Variants in GUCY1A2 observed in about 807,000 individuals in gnomAD.
The protein encoded by GUCY1A2 is guanylate cyclase 1 soluble subunit alpha 2.
Under a neutral mutation model 63.5 loss-of-function variants are expected in GUCY1A2, and 27 were observed. The observed-to-expected ratio is 0.43, with a 90% CI of 0.31 to 0.59. The LOEUF is 0.59. Among genes scored for constraint, GUCY1A2 ranks in the 20% least tolerant of loss-of-function variants. The pLI is 0.11. For synonymous variants in GUCY1A2, 364 were observed against 343.5 expected (o/e 1.06, Z -0.66); for missense variants, 768 against 913.3 (o/e 0.84, Z 2.05).
intron 6 of GUCY1A2, among the ~76,000 whole-genome samples, chr11:106,746,319 G>A (rs1255540667): frequency 6.6e-6 from 1 of 152,152 alleles, no homozygotes; most frequent in African/African-American, 2.4e-5. Context: ...AAGAATGTGA[G>A]ACATACTTTA....
chr11:107,007,061 A>G (rs1240452676), intron 1 of GUCY1A2, among the ~76,000 whole-genome samples: 1 of 152,196 alleles, frequency 6.6e-6, no homozygotes, highest in Non-Finnish European at 1.5e-5. Context: ...ATATTCAAGG[A>G]GTGATGTATC....
chr11:106,749,941 C>G (rs1470261008), intron 6 of GUCY1A2, among the ~76,000 whole-genome samples: 1 of 152,084 alleles, frequency 6.6e-6, no homozygotes, highest in African/African-American at 2.4e-5. Flanking sequence ...ACAATTGGAT[C>G]TATGTATACA....
intron 3 of GUCY1A2, among the ~76,000 whole-genome samples, chr11:106,960,094 T>G (rs1861040141): frequency 6.6e-6 from 1 of 152,252 alleles, no homozygotes; most frequent in Non-Finnish European, 1.5e-5. Flanking sequence ...CTTAAAATTC[T>G]TCTAAGCAGA....
intron 6 of GUCY1A2, among the ~76,000 whole-genome samples, chr11:106,740,219 C>G (rs1863668886): frequency 6.6e-6 from 1 of 151,952 alleles, no homozygotes; most frequent in African/African-American, 2.4e-5. Flanking sequence ...TGGCTGGTCT[C>G]AAACTCCTCA....
intron 1 of GUCY1A2, among the ~76,000 whole-genome samples, chr11:106,987,968 G>A (rs1861423454): frequency 6.6e-6 from 1 of 152,180 alleles, no homozygotes; most frequent in African/African-American, 2.4e-5. Context: ...GGAGGAATCA[G>A]CTTCCAAGTG....
At chr11:106,823,917 G>T in intron 4 of GUCY1A2, 1 of 370,308 alleles carries the variant, frequency 2.7e-6, no homozygotes, top group Admixed American at 4.8e-5. Flanking sequence ...TTTCTTTAAA[G>T]GCTTTATTTG....
intron 4 of GUCY1A2, among the ~76,000 whole-genome samples, chr11:106,903,385 T>A (rs764917917): frequency 6.6e-6 from 1 of 152,150 alleles, no homozygotes; most frequent in Non-Finnish European, 1.5e-5. Context: ...AACAATGATA[T>A]GGAATTTCTT....
chr11:106,709,385 T>C (rs1218119334), intron 6 of GUCY1A2, among the ~76,000 whole-genome samples: 1 of 99,612 alleles, frequency 1.0e-5, no homozygotes, highest in African/African-American at 4.2e-5. Context: ...ATATATATTA[T>C]ATATTATATA....
At chr11:106,762,156 GAGAA>G (rs1478240978) in intron 6 of GUCY1A2, among the ~76,000 whole-genome samples, 1 of 152,050 alleles carries the variant, frequency 6.6e-6, no homozygotes, top group Non-Finnish European at 1.5e-5. Context: ...TTTAGAGTAA[GAGAA>G]AGATGAGAAA....
intron 4 of GUCY1A2, among the ~76,000 whole-genome samples, chr11:106,840,832 TAGA>T (rs1187590588): frequency 1.3e-5 from 2 of 151,980 alleles, no homozygotes; most frequent in African/African-American, 4.8e-5. Flanking sequence ...TTTCTTAAAT[TAGA>T]AGTAAAAAAT....
intron 1 of GUCY1A2, among the ~76,000 whole-genome samples, chr11:106,992,387 T>C (rs1055132361): frequency 1.4e-5 from 2 of 147,836 alleles, no homozygotes; most frequent in Non-Finnish European, 3.0e-5. Context: ...TGGAGTGCAG[T>C]GGTGAGATCT....
intron 4 of GUCY1A2, among the ~76,000 whole-genome samples, chr11:106,881,464 T>C (rs1859822405): frequency 6.6e-6 from 1 of 152,058 alleles, no homozygotes; most frequent in Non-Finnish European, 1.5e-5. Flanking sequence ...TTCACAAAAC[T>C]AGTCACTATT....
chr11:106,933,853 C>T (rs571156347), intron 4 of GUCY1A2, among the ~76,000 whole-genome samples: 31 of 152,198 alleles, frequency 2.0e-4, no homozygotes, highest in African/African-American at 6.3e-4. Flanking sequence ...AACACAGGAA[C>T]GGAAAACCAA....
chr11:106,881,538 G>A (rs1859823690), intron 4 of GUCY1A2, among the ~76,000 whole-genome samples: 1 of 151,856 alleles, frequency 6.6e-6, no homozygotes, highest in African/African-American at 2.4e-5. Context: ...CTGCCTTATG[G>A]TGTATTCTTA....
chr11:106,690,900 C>G (rs1862611772), intron 7 of GUCY1A2, among the ~76,000 whole-genome samples: 1 of 152,074 alleles, frequency 6.6e-6, no homozygotes. Context: ...CACAAAACAA[C>G]TAAACTAAGA....
chr11:106,961,155 T>C (rs1861053127), intron 3 of GUCY1A2, among the ~76,000 whole-genome samples: 3 of 151,980 alleles, frequency 2.0e-5, no homozygotes, highest in Non-Finnish European at 4.4e-5. Flanking sequence ...TCATTCCAAC[T>C]TGTGTCCTGC....
At chr11:106,760,831 C>T (rs1180957526) in intron 6 of GUCY1A2, among the ~76,000 whole-genome samples, 1 of 151,956 alleles carries the variant, frequency 6.6e-6, no homozygotes, top group Non-Finnish European at 1.5e-5. Context: ...TCAACTTTGG[C>T]TAAATTCTAT....
chr11:106,913,383 G>A (rs1034531979), intron 4 of GUCY1A2, among the ~76,000 whole-genome samples: 11 of 152,242 alleles, frequency 7.2e-5, no homozygotes, highest in African/African-American at 2.6e-4. Flanking sequence ...CATGTGCAGT[G>A]ATCACATGAT....
chr11:106,854,813 T>C (rs1591303049), intron 4 of GUCY1A2, among the ~76,000 whole-genome samples: 1 of 151,586 alleles, frequency 6.6e-6, no homozygotes, highest in South Asian at 2.1e-4. Context: ...GGAGGGGAGG[T>C]TGTTCTGAGT....
Sources: gnomAD v4.1 joint callset for allele counts (sites outside exome capture counted in the v4.1 genomes callset) on GRCh38, gnomAD v4.1.1 for gene constraint, MANE v1.5 for transcripts, NCBI Gene and HGNC (gene_info 2026-07-23, HGNC 2026-07-21) for gene names.